The following RELCH variants were observed in gnomAD, a reference collection of about 807,000 sequenced individuals.
The protein encoded by RELCH is RAB11 binding and LisH domain, coiled-coil and HEAT repeat containing.
RELCH carries 41 observed loss-of-function variants against 150.3 expected under a neutral mutation model. The observed-to-expected ratio is 0.27, with a 90% confidence interval of 0.21 to 0.35. The LOEUF (loss-of-function observed/expected upper bound fraction) is 0.35, where lower values mean the gene tolerates loss of function less well. Ranked by LOEUF, RELCH falls within the 10% of genes least tolerant of loss-of-function variation. The pLI, the probability that RELCH is intolerant of heterozygous loss-of-function variation, is 1.00. For missense variants in RELCH, 1,092 were observed against 1,467.8 expected (o/e 0.74, Z 4.18); for synonymous variants, 478 against 531.8 (o/e 0.90, Z 1.39).
chr18:62,213,417 G>A (rs1469385004), intron 2 of RELCH, among the ~76,000 whole-genome samples: 6 of 151,904 alleles, frequency 3.9e-5, no homozygotes, highest in Admixed American at 1.3e-4. Context: ...TGACATAAAC[G>A]CAAAATGTTT....
At chr18:62,192,760 A>G (rs2038742763) in intron 1 of RELCH, among the ~76,000 whole-genome samples, 1 of 152,154 alleles carries the variant, frequency 6.6e-6, no homozygotes, top group African/African-American at 2.4e-5. Flanking sequence ...TTTTTGTACC[A>G]GTACCATGCT....
At chr18:62,219,143 A>G (rs1359267961) in intron 2 of RELCH, among the ~76,000 whole-genome samples, 1 of 151,718 alleles carries the variant, frequency 6.6e-6, no homozygotes, top group Non-Finnish European at 1.5e-5. Flanking sequence ...AATTCTAATG[A>G]CATTTGGCAA....
chr18:62,198,882 G>A (rs1184836423), intron 1 of RELCH, among the ~76,000 whole-genome samples: 3 of 151,864 alleles, frequency 2.0e-5, no homozygotes, highest in African/African-American at 4.8e-5. Flanking sequence ...ATTTGTCAAA[G>A]TATAAAAGTG....
At chr18:62,231,167 G>A (rs1330987388) in intron 8 of RELCH, 27 bp from the exon 9 acceptor site, 3 of 1,390,570 alleles carry the variant, frequency 2.2e-6, no homozygotes, top group Non-Finnish European at 3.0e-6. Context: ...ATTTGATATT[G>A]TCTCTTTTTC....
chr18:62,228,738 A>G (rs918732013), intron 8 of RELCH, 140 bp downstream of exon 8: 4 of 617,808 alleles, frequency 6.5e-6, no homozygotes, highest in Non-Finnish European at 1.1e-5. Flanking sequence ...AACTTAACAC[A>G]TAGCAAAGTA....
intron 11 of RELCH, 23 bp downstream of exon 11, chr18:62,244,899 A>G (rs1242004469): frequency 3.5e-6 from 5 of 1,425,222 alleles, no homozygotes; most frequent in Non-Finnish European, 5.0e-6. Flanking sequence ...ACATATGTGA[A>G]AAAGAAATAC....
At chr18:62,257,250 T>C (rs1488677979) in intron 13 of RELCH, among the ~76,000 whole-genome samples, 1 of 107,898 alleles carries the variant, frequency 9.3e-6, no homozygotes, top group Non-Finnish European at 2.5e-5. Context: ...TAAAACACTC[T>C]TTATCATAAC....
At chr18:62,196,245 T>C (rs184240583) in intron 1 of RELCH, among the ~76,000 whole-genome samples, 2,337 of 131,560 alleles carry the variant, frequency 0.018, 23 homozygotes, top group Non-Finnish European at 0.024. Context: ...CTTTTCTTTT[T>C]TTGAGACATA....
intron 20 of RELCH, 135 bp from the exon 21 acceptor site, chr18:62,273,845 T>G: frequency 1.7e-6 from 1 of 600,678 alleles, no homozygotes; most frequent in Non-Finnish European, 3.0e-6. Context: ...AATAAATATC[T>G]TTTAATTAAA....
chr18:62,298,760 T>C (rs756839116), intron 27 of RELCH, 30 bp from the exon 28 acceptor site: 1 of 1,037,092 alleles, frequency 9.6e-7, no homozygotes, highest in Non-Finnish European at 1.5e-6. Context: ...ATGTAAACTG[T>C]ATTTCACTAA....
Position 62,187,470 on chromosome 18 carries a change from C to T in RELCH, c.-36C>T, listed in dbSNP as rs775908321. 6.7e-7 allele frequency: 1 copy of T among 1,491,848 alleles called. No homozygotes were observed. The allele number at this position is 1,491,848 out of a possible 1,614,324, so 92.4% of individuals were successfully genotyped here. On this transcript the variant is annotated 5_prime_UTR_variant, in exon 1 of 29. Coordinates refer to ENST00000644646, the MANE Select transcript of RELCH (RefSeq NM_001346231.2). ...GATTCGGGCTGCGGCCCGTCGGAAC[C>T]AGTCAGGGAGGCGCCCACACTCCTG... is the stretch of plus-strand genomic sequence containing the variant.
chr18:62,238,245 C>T, intron 10 of RELCH, among the ~76,000 whole-genome samples: 1 of 151,880 alleles, frequency 6.6e-6, no homozygotes, highest in East Asian at 1.9e-4. Context: ...CTTCCTTCTA[C>T]TGGCCTTGGG....
chr18:62,222,643 C>G (rs1257715388), intron 5 of RELCH, among the ~76,000 whole-genome samples: 1 of 151,868 alleles, frequency 6.6e-6, no homozygotes, highest in Non-Finnish European at 1.5e-5. Context: ...CAACAATGCT[C>G]TCTCAATAAT....
At chr18:62,213,711 C>T (rs1375221898) in intron 2 of RELCH, among the ~76,000 whole-genome samples, 1 of 111,786 alleles carries the variant, frequency 8.9e-6, no homozygotes, top group Admixed American at 1.4e-4. Context: ...GCCTGGGTGA[C>T]AGAGTGAGAC....
intron 2 of RELCH, among the ~76,000 whole-genome samples, chr18:62,218,561 C>G (rs2040627051): frequency 6.6e-6 from 1 of 151,930 alleles, no homozygotes; most frequent in South Asian, 2.1e-4. Context: ...TCAAGTGCCT[C>G]TAATATACTA....
chr18:62,243,819 C>T (rs2042267253), intron 10 of RELCH, among the ~76,000 whole-genome samples: 1 of 151,978 alleles, frequency 6.6e-6, no homozygotes, highest in African/African-American at 2.4e-5. Flanking sequence ...TATTTTAAAT[C>T]TCTTAACAGT....
chr18:62,219,330 T>TC (rs985712747), intron 2 of RELCH, among the ~76,000 whole-genome samples: 2 of 147,668 alleles, frequency 1.4e-5, no homozygotes, highest in African/African-American at 4.9e-5. Context: ...TTTTTCTTTT[T>TC]TTTTTTTTTT....
Position 62,221,417 on chromosome 18 carries a change from A to G in RELCH, c.778A>G (p.Asn260Asp). 3.1e-6 allele frequency: 5 copies of G among 1,600,790 alleles called. No individual in the cohort carries two copies. Among genetic ancestry groups the G allele is most frequent in the Non-Finnish European group, 4.3e-6 (5 of 1,171,298 alleles). Residue 260 changes from asparagine (N) to aspartate (D), a missense_variant, in exon 5 of 29, where the codon AAC (asparagine) becomes GAC (aspartate). By Grantham distance (23) the Asn-to-Asp change is conservative. Around this residue, in one of 4 missense-constraint regions of RELCH, gnomAD observed 190 missense variants for 276.2 expected, o/e 0.69. Transcript: ENST00000644646. ...PIKPLEKRAL[N>D]FLVNEFLLKN... ...CAAACCTCTTGAAAAGAGAGCTCTA[A>G]ACTTCTTAGTCAATGAATTTTTATT...
intron 26 of RELCH, among the ~76,000 whole-genome samples, chr18:62,291,057 C>T (rs1182001176): frequency 6.6e-6 from 1 of 152,104 alleles, no homozygotes; most frequent in African/African-American, 2.4e-5. Flanking sequence ...AGAAATATTT[C>T]TGATATGCAC....
Sources: gnomAD v4.1 joint callset for allele counts (sites outside exome capture counted in the v4.1 genomes callset) on GRCh38, gnomAD v4.1.1 for gene constraint, gnomAD v4.1.1 regional missense constraint, MANE v1.5 for transcripts, NCBI Gene and HGNC (gene_info 2026-07-23, HGNC 2026-07-21) for gene names.